LPCAT1: variants seen among roughly 807,000 people sequenced by gnomAD.
The protein encoded by LPCAT1 is 1-acylglycerol-3-phosphate O-acyltransferase.
A neutral mutation model predicts 60.9 loss-of-function variants in LPCAT1; 23 were observed. That is an observed-to-expected ratio of 0.38 (90% CI 0.27 to 0.53). LPCAT1 has a LOEUF of 0.53. LPCAT1 is among the 20% of genes least tolerant of loss of function. The probability of loss-of-function intolerance (pLI) is 0.82; values close to 1 mark genes in which losing one functional copy is unlikely to be tolerated. For missense variants in LPCAT1, 622 were observed against 723.6 expected, an observed-to-expected ratio of 0.86 and a Z score of 1.61; for synonymous variants, 340 against 301.1, an observed-to-expected ratio of 1.13 and a Z score of -1.34.
At position 1,523,845 on chromosome 5, in the gene LPCAT1, G is replaced by T; in HGVS notation, c.-1C>A. ...GGGGTCCGCATCCCCGCAGCCTCAT[G>T]GCCGCGCCGTCCCGCGGCGAGCGCA... On this transcript the variant is annotated 5_prime_UTR_variant, in exon 1 of 14. Coordinates refer to ENST00000283415, the MANE Select transcript of LPCAT1 (RefSeq NM_024830.5). This position sits in a 1 kb window ranked among gnomAD's most constrained non-coding sequence, Gnocchi z 7.1. 1 of 1,062,254 alleles carries T rather than the reference G, an allele frequency of 9.4e-7. No individual in the cohort carries two copies. Among genetic ancestry groups the T allele is most frequent in the Non-Finnish European group, 1.1e-6 (1 of 880,448 alleles). 65.8% of individuals were successfully genotyped at this position (1,062,254 alleles called of 1,614,324 possible).
At position 1,483,600 on chromosome 5, in the gene LPCAT1, G is replaced by C. The variant is rs1370164763; in HGVS notation, c.668-114C>G. ...TGAGCTTTTCTGTCTAGGCCTTCCT[G>C]GTCAGCAAGGGCACTCCATGCCTGG... On this transcript the variant is annotated intron_variant, in intron 5 of 13. Transcript: ENST00000283415. The surrounding 1 kb of genome is among the most constrained non-coding windows in gnomAD (Gnocchi z 9.2). 2.0e-6 allele frequency: 2 copies of C among 985,416 alleles called. No individual in the cohort carries two copies. Among genetic ancestry groups the C allele is most frequent in the Non-Finnish European group, 3.1e-6 (2 of 637,584 alleles). 61.0% of individuals were successfully genotyped at this position (985,416 alleles called of 1,614,324 possible). A position where few individuals can be genotyped will look rare whatever the true frequency, so the allele number is the denominator to read the frequency against.
chr5:1,464,928 A>T (rs2126461826), intron 13 of LPCAT1, among the ~76,000 whole-genome samples: 1 of 150,700 alleles, frequency 6.6e-6, no homozygotes, highest in Admixed American at 6.5e-5. Context: ...GTGCACACAC[A>T]AAACAAGCAC....
rs1736697549 is a variant in LPCAT1 at position 1,522,194 on chromosome 5, A to C, written c.135+1516T>G. Among the ~76,000 whole-genome samples, 1 of 152,230 alleles carries C rather than the reference A, an allele frequency of 6.6e-6. No individual in the cohort carries two copies. ...TCCCCGCTGAGGGCTTCCGAGCAGC[A>C]GAGTGCAGGAGGAAGAAAGCCTGCT... On this transcript the variant is annotated intron_variant, in intron 1 of 13. Coordinates refer to ENST00000283415, the MANE Select transcript of LPCAT1 (RefSeq NM_024830.5). The surrounding 1 kb of genome is among the most constrained non-coding windows in gnomAD (Gnocchi z 6.8).
At chr5:1,509,835 C>T (rs1736302936) in intron 1 of LPCAT1, among the ~76,000 whole-genome samples, 1 of 152,298 alleles carries the variant, frequency 6.6e-6, no homozygotes, top group Non-Finnish European at 1.5e-5. Context: ...GAACCATTGC[C>T]GTGGGCTCTC....
In LPCAT1 at chr5:1,483,735, C is replaced by T. The variant is rs546642664; in HGVS notation, c.668-249G>A. 3.3e-5 allele frequency among the ~76,000 whole-genome samples: 5 copies of T among 151,802 alleles called. No individual in the cohort carries two copies. Among genetic ancestry groups the T allele is most frequent in the Admixed American group, 6.6e-5 (1 of 15,190 alleles). On this transcript the variant is annotated intron_variant, in intron 5 of 13. Transcript: ENST00000283415. The surrounding 1 kb of genome is among the most constrained non-coding windows in gnomAD (Gnocchi z 9.2). ...CAAGGAACACTTTCTGTTTTAACAT[C>T]GCGCACGAGCTGGAAGGCGTCTGTG...
At chr5:1,516,474 C>T (rs1579817485) in intron 1 of LPCAT1, among the ~76,000 whole-genome samples, 4 of 152,196 alleles carry the variant, frequency 2.6e-5, no homozygotes, top group Admixed American at 2.0e-4. Context: ...TGCTGATCCA[C>T]GCCTGCCCAG....
chr5:1,515,084 A>G (rs1185855085), intron 1 of LPCAT1, among the ~76,000 whole-genome samples: 1 of 151,744 alleles, frequency 6.6e-6, no homozygotes, highest in Non-Finnish European at 1.5e-5. Context: ...CACATCCTGC[A>G]TCAGGGGATC....
chr5:1,516,207 G>A (rs528883606), intron 1 of LPCAT1, among the ~76,000 whole-genome samples: 55 of 152,328 alleles, frequency 3.6e-4, no homozygotes, highest in Non-Finnish European at 6.0e-4. Flanking sequence ...TGGCACAGGC[G>A]CCACGTGGTC....
chr5:1,490,114 G>A (rs993469512), intron 3 of LPCAT1, among the ~76,000 whole-genome samples: 3 of 152,206 alleles, frequency 2.0e-5, no homozygotes, highest in African/African-American at 7.2e-5. Flanking sequence ...GGCACCCACT[G>A]AGGACACGGA....
intron 9 of LPCAT1, among the ~76,000 whole-genome samples, chr5:1,475,469 G>A (rs1342293295): frequency 6.6e-6 from 1 of 152,184 alleles, no homozygotes; most frequent in Non-Finnish European, 1.5e-5. Flanking sequence ...CCCGTCCTGG[G>A]TGGCACCTCT....
chr5:1,472,829 C>G (rs1176957528), intron 11 of LPCAT1, among the ~76,000 whole-genome samples: 1 of 152,036 alleles, frequency 6.6e-6, no homozygotes, highest in African/African-American at 2.4e-5. Context: ...GGACTCGCAT[C>G]CGAGACACTG....
At chr5:1,472,304 C>T (rs907772013) in intron 11 of LPCAT1, among the ~76,000 whole-genome samples, 4 of 152,120 alleles carry the variant, frequency 2.6e-5, no homozygotes, top group Admixed American at 2.0e-4. Flanking sequence ...TGCCCCTCTA[C>T]GCTTGTGTCA....
chr5:1,470,994 T>C (rs27054), intron 11 of LPCAT1, 70 bp from the exon 12 acceptor site: 976,246 of 1,306,234 alleles, frequency 0.75, 366,448 homozygotes, highest in African/African-American at 0.91. Context: ...GGGTTTCCCA[T>C]GGGTGCTGGT....
rs964681675 is a variant in LPCAT1 at position 1,495,371 on chromosome 5, C to T, written c.279-457G>A. On this transcript the variant is annotated intron_variant, in intron 2 of 13. Transcript: ENST00000283415. This position sits in a 1 kb window ranked among gnomAD's most constrained non-coding sequence, Gnocchi z 4.7. ...CAGAGCTGAGGGCGGAAGCTGAGAC[C>T]TGCGTGCGAACTTCCCCATCTCATC... Among the ~76,000 whole-genome samples the T allele has an allele frequency of 6.6e-6, 1 of 151,956 alleles. No homozygotes were observed. The highest frequency in any genetic ancestry group is 2.4e-5 in the African/African-American group (1 of 41,326).
intron 13 of LPCAT1, among the ~76,000 whole-genome samples, chr5:1,466,190 G>T (rs551427160): frequency 6.6e-6 from 1 of 152,344 alleles, no homozygotes; most frequent in Admixed American, 6.5e-5. Context: ...ATTTTGCACA[G>T]CAATTTAAAA....
intron 8 of LPCAT1, among the ~76,000 whole-genome samples, chr5:1,479,122 G>A (rs1579770696): frequency 1.3e-5 from 2 of 152,366 alleles, no homozygotes; most frequent in South Asian, 2.1e-4. Flanking sequence ...CCAGCTGGGT[G>A]TGGTAGTTCA....
Position 1,476,083 on chromosome 5 carries a change from A to G in LPCAT1, c.899+1321T>C, listed in dbSNP as rs1215105377. 1.3e-5 allele frequency among the ~76,000 whole-genome samples: 2 copies of G among 152,240 alleles called. No homozygotes were observed. Among genetic ancestry groups the G allele is most frequent in the Non-Finnish European group, 2.9e-5 (2 of 68,048 alleles). ...AGCACTCTCGTACCCTAAAAAAAGTACAAGTTCCTCGGAGTCTGTTTGAAA... is the reference window on the plus strand; with the variant it reads ...AGCACTCTCGTACCCTAAAAAAAGTGCAAGTTCCTCGGAGTCTGTTTGAAA... On this transcript the variant is annotated intron_variant, in intron 9 of 13. Coordinates refer to ENST00000283415, the MANE Select transcript of LPCAT1 (RefSeq NM_024830.5). This position sits in a 1 kb window ranked among gnomAD's most constrained non-coding sequence, Gnocchi z 8.6.
intron 5 of LPCAT1, among the ~76,000 whole-genome samples, chr5:1,484,431 C>T (rs1735294095): frequency 6.6e-6 from 1 of 152,184 alleles, no homozygotes; most frequent in Non-Finnish European, 1.5e-5. Flanking sequence ...CAGAAGTACT[C>T]AAGTTTTAGA....
At position 1,483,238 on chromosome 5, in the gene LPCAT1, C is replaced by G. The variant is rs570762258; in HGVS notation, c.726+190G>C. Among the ~76,000 whole-genome samples the G allele has an allele frequency of 6.6e-6, 1 of 152,112 alleles. No homozygotes were observed. Among genetic ancestry groups the G allele is most frequent in the Non-Finnish European group, 1.5e-5 (1 of 68,018 alleles). On this transcript the variant is annotated intron_variant, in intron 6 of 13. Transcript: ENST00000283415. This position sits in a 1 kb window ranked among gnomAD's most constrained non-coding sequence, Gnocchi z 9.2. ...GAACAGGCCGCACTCAGGAACGTGC[C>G]GAGCCCAGGGCCCGGGCCTGTCCTG...
Sources: gnomAD v4.1 joint callset for allele counts (sites outside exome capture counted in the v4.1 genomes callset) on GRCh38, gnomAD v4.1.1 for gene constraint, Gnocchi (gnomAD v3.1) non-coding constraint, MANE v1.5 for transcripts, NCBI Gene and HGNC (gene_info 2026-07-23, HGNC 2026-07-21) for gene names.